Variants in CNTNAP2 observed in about 807,000 individuals in gnomAD.
CNTNAP2 encodes the protein contactin associated protein 2.
In CNTNAP2, 98 loss-of-function variants were observed where a neutral mutation model predicts 155.2. The observed-to-expected ratio is 0.63, with a 90% CI of 0.54 to 0.75. CNTNAP2 has a LOEUF of 0.75. Among genes scored for constraint, CNTNAP2 ranks in the 30% least tolerant of loss-of-function variants. The probability of loss-of-function intolerance (pLI) is 0.00; values close to 1 mark genes in which losing one functional copy is unlikely to be tolerated. For synonymous variants in CNTNAP2, 651 were observed against 631.2 expected (o/e 1.03, Z -0.47); for missense variants, 1,727 against 1,688.1 (o/e 1.02, Z -0.40).
At chr7:147,588,514 A>G (rs891349919) in intron 12 of CNTNAP2, among the ~76,000 whole-genome samples, 1 of 152,190 alleles carries the variant, frequency 6.6e-6, no homozygotes, top group African/African-American at 2.4e-5. Context: ...TGATATTTTA[A>G]TGCAAAAGAA....
At chr7:146,286,284 T>TTC (rs748686755) in intron 1 of CNTNAP2, among the ~76,000 whole-genome samples, 2 of 151,130 alleles carry the variant, frequency 1.3e-5, no homozygotes, top group Admixed American at 1.3e-4. Context: ...CAATGATAAC[T>TTC]TCTCTCTCTC....
At chr7:147,960,935 T>C (rs1310246795) in intron 14 of CNTNAP2, among the ~76,000 whole-genome samples, 3 of 152,164 alleles carry the variant, frequency 2.0e-5, no homozygotes, top group Non-Finnish European at 4.4e-5. Context: ...CAGGAAATTA[T>C]TGAATATAAC....
chr7:148,129,675 T>A (rs1248067448), intron 16 of CNTNAP2, among the ~76,000 whole-genome samples: 2 of 152,250 alleles, frequency 1.3e-5, no homozygotes, highest in Non-Finnish European at 2.9e-5. Context: ...GATTCTAAGC[T>A]GACTGACCAG....
At chr7:147,889,013 A>G (rs1456226560) in intron 13 of CNTNAP2, among the ~76,000 whole-genome samples, 1 of 152,168 alleles carries the variant, frequency 6.6e-6, no homozygotes, top group Admixed American at 6.5e-5. Context: ...AATACCTTAT[A>G]TGTAAGGAAC....
At chr7:146,135,843 T>C (rs1797789257) in intron 1 of CNTNAP2, among the ~76,000 whole-genome samples, 1 of 151,842 alleles carries the variant, frequency 6.6e-6, no homozygotes, top group Non-Finnish European at 1.5e-5. Flanking sequence ...ATAAGAAAAA[T>C]ACCAAGGAAG....
intron 3 of CNTNAP2, among the ~76,000 whole-genome samples, chr7:146,941,514 C>A (rs1585171537): frequency 6.6e-6 from 1 of 152,104 alleles, no homozygotes; most frequent in Non-Finnish European, 1.5e-5. Context: ...TAATGATATA[C>A]ATGATTTACA....
At chr7:148,134,561 TA>T (rs1452549737) in intron 16 of CNTNAP2, among the ~76,000 whole-genome samples, 1 of 152,188 alleles carries the variant, frequency 6.6e-6, no homozygotes, top group Non-Finnish European at 1.5e-5. Context: ...CTCAAGTTTC[TA>T]AAAATAGGGA....
At chr7:146,848,314 TTTACAGTGCAAA>T (rs1794802098) in intron 3 of CNTNAP2, among the ~76,000 whole-genome samples, 1 of 152,166 alleles carries the variant, frequency 6.6e-6, no homozygotes, top group Non-Finnish European at 1.5e-5. Flanking sequence ...ATAACTGGAA[TTTACAGTGCAAA>T]TTGCAGACAG....
intron 1 of CNTNAP2, among the ~76,000 whole-genome samples, chr7:146,667,758 T>C (rs1430813825): frequency 6.6e-6 from 1 of 152,012 alleles, no homozygotes; most frequent in Non-Finnish European, 1.5e-5. Context: ...GACTGTCTTC[T>C]TGATCTCTTT....
chr7:147,965,708 G>C (rs1458687737), intron 14 of CNTNAP2, among the ~76,000 whole-genome samples: 1 of 151,868 alleles, frequency 6.6e-6, no homozygotes, highest in Non-Finnish European at 1.5e-5. Flanking sequence ...CAACTTCTTT[G>C]GTTCATTCTT....
intron 8 of CNTNAP2, among the ~76,000 whole-genome samples, chr7:147,213,144 G>T (rs11768562): frequency 0.41 from 61,723 of 151,890 alleles, 12,974 homozygotes; most frequent in Non-Finnish European, 0.45. Flanking sequence ...AATGAGAAAA[G>T]CTATTGCTGT....
chr7:146,205,501 A>G (rs370301885), intron 1 of CNTNAP2, among the ~76,000 whole-genome samples: 1 of 151,934 alleles, frequency 6.6e-6, no homozygotes, highest in East Asian at 1.9e-4. Context: ...TTCTTTTTTC[A>G]TTTTCAGAAC....
At chr7:148,127,338 T>C (rs1804737274) in intron 16 of CNTNAP2, among the ~76,000 whole-genome samples, 2 of 152,108 alleles carry the variant, frequency 1.3e-5, no homozygotes, top group South Asian at 4.1e-4. Context: ...AAGGGGATTT[T>C]TGGAGGGAAA....
intron 3 of CNTNAP2, among the ~76,000 whole-genome samples, chr7:147,021,007 T>A (rs1301664966): frequency 6.6e-6 from 1 of 152,150 alleles, no homozygotes; most frequent in African/African-American, 2.4e-5. Flanking sequence ...AGGTTTTGGA[T>A]GCATGCTTTT....
intron 1 of CNTNAP2, among the ~76,000 whole-genome samples, chr7:146,303,066 G>C (rs1800639352): frequency 7.6e-6 from 1 of 132,418 alleles, no homozygotes; most frequent in Non-Finnish European, 1.5e-5. Flanking sequence ...GTACACCTTT[G>C]TGTGCATGTG....
intron 8 of CNTNAP2, among the ~76,000 whole-genome samples, chr7:147,251,997 G>A (rs1804210330): frequency 6.6e-6 from 1 of 152,066 alleles, no homozygotes; most frequent in Non-Finnish European, 1.5e-5. Flanking sequence ...GAATCTTTGG[G>A]AATATAGGAA....
At chr7:146,907,794 A>C (rs1217721021) in intron 3 of CNTNAP2, among the ~76,000 whole-genome samples, 1 of 151,832 alleles carries the variant, frequency 6.6e-6, no homozygotes, top group Non-Finnish European at 1.5e-5. Flanking sequence ...AAATTCACAC[A>C]TAACAATATT....
At chr7:146,485,277 G>A (rs1486235478) in intron 1 of CNTNAP2, among the ~76,000 whole-genome samples, 1 of 152,112 alleles carries the variant, frequency 6.6e-6, no homozygotes, top group Non-Finnish European at 1.5e-5. Flanking sequence ...TATTTATAAG[G>A]TGATGCCACG....
intron 11 of CNTNAP2, among the ~76,000 whole-genome samples, chr7:147,524,471 T>C (rs1051381333): frequency 2.6e-5 from 4 of 152,164 alleles, no homozygotes; most frequent in African/African-American, 9.7e-5. Context: ...GACTAAAATA[T>C]AATTTCTAAT....
Sources: gnomAD v4.1 joint callset for allele counts (sites outside exome capture counted in the v4.1 genomes callset) on GRCh38, gnomAD v4.1.1 for gene constraint, MANE v1.5 for transcripts, NCBI Gene and HGNC (gene_info 2026-07-23, HGNC 2026-07-21) for gene names.